Variants in CABLES1 observed in about 807,000 individuals in gnomAD.
CABLES1 encodes the protein Cdk5 and Abl enzyme substrate 1.
Under a neutral mutation model 57.8 loss-of-function variants are expected in CABLES1, and 36 were observed. The ratio of observed to expected loss-of-function variants is 0.62; its 90% CI spans 0.48 to 0.82. The LOEUF (loss-of-function observed/expected upper bound fraction) is 0.82. Among genes scored for constraint, CABLES1 ranks in the 40% least tolerant of loss-of-function variants. The pLI, the probability that CABLES1 is intolerant of heterozygous loss-of-function variation, is 0.00. For missense variants in CABLES1, 767 were observed against 836.6 expected, an observed-to-expected ratio of 0.92 and a Z score of 1.03; for synonymous variants, 374 against 363.0, an observed-to-expected ratio of 1.03 and a Z score of -0.35.
chr18:23,208,655 G>T (rs1005265480), intron 3 of CABLES1, among the ~76,000 whole-genome samples: 1 of 152,224 alleles, frequency 6.6e-6, no homozygotes, highest in African/African-American at 2.4e-5. Flanking sequence ...TGGGGTGCAT[G>T]GCCCAGAGCC....
At chr18:23,224,514 TATTC>T (rs919054559) in intron 4 of CABLES1, among the ~76,000 whole-genome samples, 2 of 151,618 alleles carry the variant, frequency 1.3e-5, no homozygotes, top group African/African-American at 4.8e-5. Context: ...CTGTAGTAGA[TATTC>T]ATTAAGCATT....
At position 23,149,346 on chromosome 18, in the gene CABLES1, A is replaced by G. The variant is rs539792604; in HGVS notation, c.845+12739A>G. Among the ~76,000 whole-genome samples, 119 of 152,190 alleles carry G rather than the reference A, an allele frequency of 7.8e-4. 1 individual carries two copies. The highest frequency in any genetic ancestry group is 2.0e-3 in the African/African-American group (85 of 41,530). On this transcript the variant is annotated intron_variant, in intron 1 of 9. Transcript: ENST00000256925. ...GCCCAGGCTGCAGTGCAGTACTACA[A>G]TCTTGGCTCACTGCAGCCTCTGCCT...
intron 7 of CABLES1, among the ~76,000 whole-genome samples, chr18:23,246,448 G>A: frequency 6.6e-6 from 1 of 151,982 alleles, no homozygotes; most frequent in Non-Finnish European, 1.5e-5. Context: ...CTGAAGTGCA[G>A]TGGCAAGATC....
chr18:23,248,363 T>G (rs561774771), intron 7 of CABLES1, among the ~76,000 whole-genome samples: 6 of 152,128 alleles, frequency 3.9e-5, no homozygotes, highest in African/African-American at 1.2e-4. Context: ...AGTTCTGAAG[T>G]GCAGCATCCA....
intron 1 of CABLES1, among the ~76,000 whole-genome samples, chr18:23,176,993 G>A (rs531393787): frequency 9.9e-5 from 15 of 152,218 alleles, no homozygotes; most frequent in African/African-American, 2.4e-4. Flanking sequence ...AGTTAGCTCC[G>A]TTCTCTCCTG....
In CABLES1 at chr18:23,259,230, G is replaced by A. The variant is rs1018164740; in HGVS notation, c.*1863G>A. The A allele has an allele frequency of 7.9e-5, 12 of 152,112 alleles. No individual in the cohort carries two copies. Among genetic ancestry groups the A allele is most frequent in the African/African-American group, 2.9e-4 (12 of 41,396 alleles). The allele number at this position is 152,112 out of a possible 1,614,324, so 9.4% of individuals were successfully genotyped here. On this transcript the variant is annotated 3_prime_UTR_variant, in exon 10 of 10. Coordinates refer to ENST00000256925, the MANE Select transcript of CABLES1 (RefSeq NM_001100619.3). ...CCTGGTCAGTGCCTACAGGGGGAGA[G>A]CCTTTCTGAGAAGCAGGTCCTGTGG...
intron 9 of CABLES1, among the ~76,000 whole-genome samples, chr18:23,255,706 T>C (rs1480769944): frequency 1.3e-5 from 2 of 151,944 alleles, no homozygotes; most frequent in Non-Finnish European, 2.9e-5. Context: ...ACTACAGGCA[T>C]GTACCACTGC....
chr18:23,138,823 T>C (rs1037976672), intron 1 of CABLES1, among the ~76,000 whole-genome samples: 1 of 152,220 alleles, frequency 6.6e-6, no homozygotes, highest in Non-Finnish European at 1.5e-5. Context: ...TATCAAATTG[T>C]ATTTTCCTTG....
chr18:23,227,450 C>T (rs1384791088), intron 4 of CABLES1, among the ~76,000 whole-genome samples: 1 of 152,240 alleles, frequency 6.6e-6, no homozygotes, highest in Non-Finnish European at 1.5e-5. Context: ...AAGACCCCTT[C>T]ATTGTCTGCC....
At chr18:23,205,895 C>T (rs570622237) in intron 3 of CABLES1, among the ~76,000 whole-genome samples, 14 of 152,032 alleles carry the variant, frequency 9.2e-5, no homozygotes, top group Non-Finnish European at 1.6e-4. Flanking sequence ...CAGAGGCACA[C>T]GGGGAGAATG....
intron 2 of CABLES1, among the ~76,000 whole-genome samples, chr18:23,190,987 T>G (rs2047238607): frequency 1.3e-5 from 2 of 148,256 alleles, no homozygotes; most frequent in African/African-American, 5.0e-5. Flanking sequence ...CTCACACCTG[T>G]AACCCCAGCA....
upstream of CABLES1, among the ~76,000 whole-genome samples, chr18:23,135,089 C>T (rs1288575671): frequency 1.3e-5 from 2 of 152,204 alleles, no homozygotes; most frequent in Admixed American, 1.3e-4. Flanking sequence ...CCTGTAGACC[C>T]ACAACTCTCC....
intron 1 of CABLES1, among the ~76,000 whole-genome samples, chr18:23,147,348 C>T (rs897108375): frequency 1.6e-4 from 24 of 152,232 alleles, no homozygotes; most frequent in Non-Finnish European, 2.8e-4. Flanking sequence ...CTGAACCTCA[C>T]GTTCTCACCT....
At chr18:23,180,638 T>C (rs1568056503) in intron 1 of CABLES1, among the ~76,000 whole-genome samples, 1 of 152,184 alleles carries the variant, frequency 6.6e-6, no homozygotes, top group Non-Finnish European at 1.5e-5. Flanking sequence ...GCCTCCTGAG[T>C]AGCTGAGACT....
In CABLES1 at chr18:23,252,833, G is replaced by A. The variant is rs1487404054; in HGVS notation, c.1447-127G>A. On this transcript the variant is annotated intron_variant, in intron 7 of 9. Coordinates refer to ENST00000256925, the MANE Select transcript of CABLES1 (RefSeq NM_001100619.3). ...TCCTGGATTCCGCCGAGCCCTTGTT[G>A]TAGCTCCAATGCAAGTTTTCCCGTT... is the stretch of plus-strand genomic sequence containing the variant. 1.3e-5 allele frequency: 8 copies of A among 624,826 alleles called. No homozygotes were observed. The South Asian group carries it at 1.5e-4, about 12-fold the overall frequency. 38.7% of individuals were successfully genotyped at this position (624,826 alleles called of 1,614,324 possible). A position where few individuals can be genotyped will look rare whatever the true frequency, so the allele number is the denominator to read the frequency against.
At chr18:23,142,313 C>G (rs116857079) in intron 1 of CABLES1, among the ~76,000 whole-genome samples, 1 of 152,106 alleles carries the variant, frequency 6.6e-6, no homozygotes, top group Non-Finnish European at 1.5e-5. Context: ...CCTTCAGGCA[C>G]GGGCAATATC....
chr18:23,178,193 C>A (rs917385571), intron 1 of CABLES1, among the ~76,000 whole-genome samples: 18 of 152,090 alleles, frequency 1.2e-4, no homozygotes, highest in Admixed American at 9.8e-4. Context: ...ATCAGCCACA[C>A]AAAACCTTTT....
intron 1 of CABLES1, among the ~76,000 whole-genome samples, chr18:23,180,532 G>A (rs1229252074): frequency 6.6e-6 from 1 of 151,954 alleles, no homozygotes; most frequent in Non-Finnish European, 1.5e-5. Context: ...TTATTTATTT[G>A]TAGAGACAGG....
rs952186206 is a variant in CABLES1, at chr18:23,136,742, C to G, written c.845+135C>G. 2.0e-5 allele frequency: 11 copies of G among 554,074 alleles called. No individual in the cohort carries two copies. In the Admixed American group the frequency reaches 4.3e-4, roughly 22 times the overall value. The allele number at this position is 554,074 out of a possible 1,614,324, so 34.3% of individuals were successfully genotyped here. On this transcript the variant is annotated intron_variant, in intron 1 of 9. Transcript: ENST00000256925. Reference sequence around the variant, plus strand: ...CCTGCCGGATCCTGTGCTCCGGGCCCGAATCCCAAACCACGAGGGCACCCA... The same window carrying G: ...CCTGCCGGATCCTGTGCTCCGGGCCGGAATCCCAAACCACGAGGGCACCCA...
Sources: gnomAD v4.1 joint callset for allele counts (sites outside exome capture counted in the v4.1 genomes callset) on GRCh38, gnomAD v4.1.1 for gene constraint, MANE v1.5 for transcripts, NCBI Gene and HGNC (gene_info 2026-07-23, HGNC 2026-07-21) for gene names.